Variants in DACT2 observed in about 807,000 individuals in gnomAD.
DACT2 encodes dishevelled binding antagonist of beta catenin 2.
Under a neutral mutation model 22.2 loss-of-function variants are expected in DACT2, and 20 were observed. That is an observed-to-expected ratio of 0.90 (90% CI 0.63 to 1.31). The LOEUF is 1.31. Among genes scored for constraint, DACT2 ranks in the 50% most tolerant of loss-of-function variants. DACT2 has a pLI of 0.00. For synonymous variants in DACT2, 463 were observed against 479.8 expected, an observed-to-expected ratio of 0.96 and a Z score of 0.46; for missense variants, 1,048 against 1,061.4, an observed-to-expected ratio of 0.99 and a Z score of 0.18.
chr6:168,311,604 ACACT>A (rs1282379442), intron 1 of DACT2, among the ~76,000 whole-genome samples: 2 of 148,990 alleles, frequency 1.3e-5, no homozygotes, highest in African/African-American at 5.0e-5. Context: ...ACATACACAC[ACACT>A]CACACAAACA....
At chr6:168,299,794 C>G (rs938678277) in intron 3 of DACT2, 1 of 152,310 alleles carries the variant, frequency 6.6e-6, no homozygotes, top group African/African-American at 2.4e-5. Context: ...GCTCCATCGT[C>G]GGACGGTTCT....
Position 168,307,351 on chromosome 6 carries a change from C to T in DACT2, c.*81G>A, listed in dbSNP as rs1779234646. The T allele has an allele frequency of 6.6e-7, 1 of 1,510,690 alleles. No homozygotes were observed. Among genetic ancestry groups the T allele is most frequent in the Non-Finnish European group, 8.8e-7 (1 of 1,130,448 alleles). 93.6% of individuals were successfully genotyped at this position (1,510,690 alleles called of 1,614,324 possible). On this transcript the variant is annotated 3_prime_UTR_variant, in exon 4 of 4. Coordinates refer to ENST00000366795, the MANE Select transcript of DACT2 (RefSeq NM_214462.5). The surrounding 1 kb of genome is among the most constrained non-coding windows in gnomAD (Gnocchi z 5.3). The stretch of plus-strand genomic sequence containing the variant: ...GATAAAGCGACTTGGCAAGACGACA[C>T]TGAAACCCAGACATGCACAGGACAC...
Position 168,308,450 on chromosome 6 carries a change from G to A in DACT2, c.1307C>T (p.Thr436Ile). The A allele has an allele frequency of 6.4e-7, 1 of 1,551,670 alleles. No homozygotes were observed. Among genetic ancestry groups the A allele is most frequent in the Non-Finnish European group, 8.7e-7 (1 of 1,146,970 alleles). The change falls in exon 4 of 4, where the codon ACC (threonine) becomes ATC (isoleucine). Residue 436 changes from threonine (T) to isoleucine (I), a missense_variant. Coordinates refer to ENST00000366795, the MANE Select transcript of DACT2 (RefSeq NM_214462.5). The stretch of plus-strand genomic sequence containing the variant: ...TGAGCTGGGAGAAGCCTGCACCATG[G>A]TCTCCCTGAGGACACAGCTGTTTGA... Reference protein sequence around the residue: ...KPSNSCVLRETMVQASPSSKA... With the variant: ...KPSNSCVLREIMVQASPSSKA...
At position 168,319,327 on chromosome 6, in the gene DACT2, A is replaced by G. The variant is rs1779587825; in HGVS notation, c.246+61T>C. 5 of 1,173,608 alleles carry G rather than the reference A, an allele frequency of 4.3e-6. No individual in the cohort carries two copies. The South Asian group carries it at 2.2e-4, about 51-fold the overall frequency. 72.7% of individuals were successfully genotyped at this position (1,173,608 alleles called of 1,614,324 possible). A position where few individuals can be genotyped will look rare whatever the true frequency, so the allele number is the denominator to read the frequency against. ...TCCCACTAACACACAGTCGCTGCCG[A>G]AGGAGCAGCGCCTGTGGCCCGCACA... On this transcript the variant is annotated intron_variant, in intron 1 of 3. Transcript: ENST00000366795.
At chr6:168,313,554 T>C (rs986359041) in intron 1 of DACT2, among the ~76,000 whole-genome samples, 2 of 152,120 alleles carry the variant, frequency 1.3e-5, no homozygotes, top group African/African-American at 4.8e-5. Flanking sequence ...CCACACCAGC[T>C]ATGCAAAGAG....
At position 168,307,722 on chromosome 6, in the gene DACT2, G is replaced by A; in HGVS notation, c.2035C>T (p.Pro679Ser). 1 of 1,549,794 alleles carries A rather than the reference G, an allele frequency of 6.5e-7. No homozygotes were observed. The highest frequency in any genetic ancestry group is 8.7e-7 in the Non-Finnish European group (1 of 1,146,882). The change falls in exon 4 of 4, where the codon CCG (proline) becomes TCG (serine). Residue 679 changes from proline to serine, a missense_variant. Pro to Ser is a moderately conservative substitution (Grantham distance 74, BLOSUM62 -1). Coordinates refer to ENST00000366795, the MANE Select transcript of DACT2 (RefSeq NM_214462.5). The surrounding 1 kb of genome is among the most constrained non-coding windows in gnomAD (Gnocchi z 5.3). ...ECDPRFPSVI[P>S]ETSEGESSDH... is the part of the protein sequence containing the mutation. ...CTGGACTCTCCCTCGCTGGTCTCCG[G>A]GATGACTGACGGGAACCGCGGGTCA...
chr6:168,308,238 C>A lies in DACT2; in HGVS notation c.1519G>T (p.Val507Leu), dbSNP rs1489724688. Residue 507 changes from valine to leucine, a missense_variant, in exon 4 of 4, where the codon GTG becomes TTG. Transcript: ENST00000366795. ...AGCGGCTGCCTTGCAAACCTCAGCA[C>A]CTTGTCCATGGGACTTCTCTTGATT... ...EKIKRSPMDK[V>L]LRFARQPLLL... 2.6e-6 allele frequency: 4 copies of A among 1,552,106 alleles called. No individual in the cohort carries two copies. The highest frequency in any genetic ancestry group is 3.5e-6 in the Non-Finnish European group (4 of 1,147,078).
chr6:168,304,565 G>A (rs141555376), downstream of DACT2, among the ~76,000 whole-genome samples: 556 of 152,328 alleles, frequency 3.7e-3, 8 homozygotes, highest in African/African-American at 0.013. Flanking sequence ...GTGCCTGGGC[G>A]ATGTTTGCAG....
chr6:168,299,192 A>G (rs1779059634), intron 3 of DACT2: 1 of 152,212 alleles, frequency 6.6e-6, no homozygotes. Flanking sequence ...ATAGGGTATC[A>G]TATTATCTCA....
At position 168,309,263 on chromosome 6, in the gene DACT2, G is replaced by C. The variant is rs550439012; in HGVS notation, c.659-165C>G. On this transcript the variant is annotated intron_variant, in intron 3 of 3. Transcript: ENST00000366795. The stretch of plus-strand genomic sequence containing the variant: ...GCGACTCACAGTCACTGAGGTCCGC[G>C]TGTAGACACAGGGCGCGGGGCAGAC... Among the ~76,000 whole-genome samples the C allele has an allele frequency of 3.2e-3, 485 of 152,114 alleles. 3 individuals carry two copies. The highest frequency in any genetic ancestry group is 0.011 in the African/African-American group (469 of 41,400).
chr6:168,310,142 C>G, intron 3 of DACT2, 26 bp downstream of exon 3: 1 of 1,546,516 alleles, frequency 6.5e-7, no homozygotes, highest in Non-Finnish European at 8.7e-7. Flanking sequence ...GAGATGAGAC[C>G]CCCACCTTCC....
chr6:168,310,941 C>T (rs1779382041), intron 2 of DACT2, among the ~76,000 whole-genome samples: 1 of 152,190 alleles, frequency 6.6e-6, no homozygotes, highest in African/African-American at 2.4e-5. Flanking sequence ...AAAATAAGAG[C>T]GAGGTAGCCA....
intron 3 of DACT2, among the ~76,000 whole-genome samples, chr6:168,295,305 T>TTGCTTC (rs1778989703): frequency 6.6e-6 from 1 of 152,218 alleles, no homozygotes; most frequent in Admixed American, 6.5e-5. Flanking sequence ...GACTTTGCTT[T>TTGCTTC]TGCTTCAGAA....
chr6:168,305,154 G>A (rs1438734362), downstream of DACT2, among the ~76,000 whole-genome samples: 1 of 152,182 alleles, frequency 6.6e-6, no homozygotes, highest in African/African-American at 2.4e-5. Context: ...TTGATTGATT[G>A]ATTGATTTGG....
intron 3 of DACT2, among the ~76,000 whole-genome samples, chr6:168,300,772 G>A (rs1480562004): frequency 6.6e-6 from 1 of 152,078 alleles, no homozygotes; most frequent in Non-Finnish European, 1.5e-5. Flanking sequence ...GGATTACGAG[G>A]TCAGGAGATT....
rs1225998624 is a variant in DACT2 at position 168,294,589 on chromosome 6, A to ATG, written c.730+43_730+44insCA. ...TGTGTGTGTGTGTGTATATATATAT[A>ATG]TATATATATATATACACATATAAAG... On this transcript the variant is annotated intron_variant, in intron 4 of 5. Transcript: ENST00000366796. The ATG allele has an allele frequency of 5.4e-6, 3 of 553,260 alleles. No homozygotes were observed. In the African/African-American group the frequency reaches 8.2e-5, roughly 15 times the overall value. The allele number at this position is 553,260 out of a possible 1,614,324, so 34.3% of individuals were successfully genotyped here.
rs535159000 is a variant in DACT2, at chr6:168,308,989, C to T, written c.768G>A (p.Pro256=). The T allele has an allele frequency of 4.1e-5, 64 of 1,549,322 alleles. No homozygotes were observed. The highest frequency in any genetic ancestry group is 5.0e-5 in the Non-Finnish European group (57 of 1,146,976). The change falls in exon 4 of 4, where the codon CCG becomes CCA. Residue 256 remains proline (P), a synonymous_variant. Transcript: ENST00000366795. Reference sequence around the variant, plus strand: ...CCAGGTCCTGCCGATACTTGGGGTCCGGCACGTGCAGCGGGATATCCACCC... The same window carrying T: ...CCAGGTCCTGCCGATACTTGGGGTCTGGCACGTGCAGCGGGATATCCACCC... ...CQGVDIPLHV[P]DPKYRQDLVS...
chr6:168,318,486 G>C (rs925970446), intron 1 of DACT2, among the ~76,000 whole-genome samples: 1 of 152,236 alleles, frequency 6.6e-6, no homozygotes, highest in African/African-American at 2.4e-5. Context: ...ACTTTTAACA[G>C]GACAGACTTA....
intron 3 of DACT2, 35 bp downstream of exon 3, chr6:168,310,133 A>G (rs1252881387): frequency 8.4e-6 from 13 of 1,544,932 alleles, no homozygotes; most frequent in Non-Finnish European, 1.1e-5. Flanking sequence ...CCTGTGCCTG[A>G]GATGAGACCC....
Sources: allele counts gnomAD v4.1 joint callset (sites outside exome capture counted in the v4.1 genomes callset), GRCh38; gene constraint gnomAD v4.1.1; non-coding constraint Gnocchi (gnomAD v3.1); transcripts MANE v1.5; gene names NCBI Gene and HGNC (gene_info 2026-07-23, HGNC 2026-07-21).